ADAMTS17: variants seen among roughly 807,000 people sequenced by gnomAD.
ADAMTS17 encodes ADAM metallopeptidase with thrombospondin type 1 motif 17.
A neutral mutation model predicts 141.5 loss-of-function variants in ADAMTS17; 113 were observed. The ratio of observed to expected loss-of-function variants is 0.80; its 90% CI spans 0.69 to 0.93. The LOEUF (loss-of-function observed/expected upper bound fraction) is 0.93. Among genes scored for constraint, ADAMTS17 ranks in the 40% least tolerant of loss-of-function variants. The probability of loss-of-function intolerance (pLI) is 0.00; values close to 1 mark genes in which losing one functional copy is unlikely to be tolerated. For synonymous variants in ADAMTS17, 768 were observed against 630.6 expected (o/e 1.22, Z -3.27); for missense variants, 1,659 against 1,517.9 (o/e 1.09, Z -1.54).
intron 15 of ADAMTS17, among the ~76,000 whole-genome samples, chr15:100,072,293 G>A (rs1369282620): frequency 6.7e-6 from 1 of 148,442 alleles, no homozygotes; most frequent in Non-Finnish European, 1.5e-5. Flanking sequence ...CATGCTCATG[G>A]GTAGGAAGAA....
At chr15:100,097,199 G>T (rs992008662) in intron 14 of ADAMTS17, among the ~76,000 whole-genome samples, 12 of 152,124 alleles carry the variant, frequency 7.9e-5, no homozygotes, top group African/African-American at 2.9e-4. Context: ...TTTGTATCCT[G>T]CAAAATAACC....
intron 8 of ADAMTS17, among the ~76,000 whole-genome samples, chr15:100,178,823 T>C (rs899144542): frequency 1.3e-4 from 20 of 152,214 alleles, no homozygotes; most frequent in African/African-American, 4.6e-4. Flanking sequence ...TGATATAGGA[T>C]TGAAAATTGA....
At chr15:100,340,963 AC>A in intron 2 of ADAMTS17, 75 bp downstream of exon 2, 7 of 892,548 alleles carry the variant, frequency 7.8e-6, no homozygotes, top group East Asian at 4.8e-5. Context: ...GAGGCGCCCC[AC>A]CCCCACCCTC....
At chr15:100,278,329 A>C (rs1289709057) in intron 4 of ADAMTS17, among the ~76,000 whole-genome samples, 18 of 105,008 alleles carry the variant, frequency 1.7e-4, no homozygotes, top group Non-Finnish European at 1.1e-4. Flanking sequence ...TTCTACCACA[A>C]AAAAAAAAAA....
intron 15 of ADAMTS17, among the ~76,000 whole-genome samples, chr15:100,083,847 G>T (rs2034909643): frequency 6.6e-6 from 1 of 151,524 alleles, no homozygotes; most frequent in Non-Finnish European, 1.5e-5. Flanking sequence ...TGGCTCTAGA[G>T]CAAGGGCAAG....
intron 4 of ADAMTS17, among the ~76,000 whole-genome samples, chr15:100,266,688 G>A (rs964658756): frequency 6.6e-6 from 1 of 152,112 alleles, no homozygotes; most frequent in Non-Finnish European, 1.5e-5. Flanking sequence ...GACCACCACT[G>A]GCTGGTTGCT....
chr15:100,012,945 A>G (rs1168947206), intron 18 of ADAMTS17, among the ~76,000 whole-genome samples: 2 of 152,066 alleles, frequency 1.3e-5, no homozygotes, highest in Admixed American at 6.6e-5. Flanking sequence ...TTTTGATGGG[A>G]ATTGCATTGA....
intron 18 of ADAMTS17, among the ~76,000 whole-genome samples, chr15:100,035,929 C>G (rs899980323): frequency 7.2e-5 from 11 of 152,294 alleles, no homozygotes; most frequent in African/African-American, 2.6e-4. Flanking sequence ...AGTGTACAAG[C>G]TACTGCTCAG....
chr15:99,978,090 T>C (rs1191110965), intron 20 of ADAMTS17, among the ~76,000 whole-genome samples: 1 of 152,206 alleles, frequency 6.6e-6, no homozygotes, highest in Admixed American at 6.5e-5. Context: ...CCGCAGATCC[T>C]GTGCTTCCCG....
intron 15 of ADAMTS17, among the ~76,000 whole-genome samples, chr15:100,069,407 T>A (rs1473297814): frequency 6.6e-6 from 1 of 152,088 alleles, no homozygotes; most frequent in Non-Finnish European, 1.5e-5. Flanking sequence ...ACAAAGATAC[T>A]CCTTGAGAAG....
chr15:100,224,145 C>T (rs1048566486), intron 7 of ADAMTS17, among the ~76,000 whole-genome samples: 16 of 152,202 alleles, frequency 1.1e-4, no homozygotes, highest in African/African-American at 3.6e-4. Context: ...CCAACACCCA[C>T]ACAGACACAC....
intron 9 of ADAMTS17, among the ~76,000 whole-genome samples, chr15:100,153,627 G>C (rs1224607617): frequency 6.6e-6 from 1 of 152,168 alleles, no homozygotes; most frequent in Non-Finnish European, 1.5e-5. Flanking sequence ...CTGGGTGAGA[G>C]AGTGAGACTC....
At chr15:100,212,835 T>C (rs2141727458) in intron 7 of ADAMTS17, among the ~76,000 whole-genome samples, 1 of 124,062 alleles carries the variant, frequency 8.1e-6, no homozygotes, top group East Asian at 2.4e-4. Flanking sequence ...TGACTCTTTA[T>C]TATGCCTGGG....
Position 100,132,076 on chromosome 15 carries a change from G to C in ADAMTS17, c.1652C>G (p.Ala551Gly), listed in dbSNP as rs1567227319. ...ACATGTTCGGCTGCACATGCTCCAG[G>C]CGCCCCACGGGCTCCAGTCTCCGTC... ...HVDGDWSPWGAWSMCSRTCGT... is the reference protein window; with the variant it reads ...HVDGDWSPWGGWSMCSRTCGT... The change falls in exon 12 of 22, where the codon GCC becomes GGC. Residue 551 changes from alanine (A) to glycine (G), a missense_variant. Ala to Gly is a moderately conservative substitution (Grantham distance 60). Coordinates refer to ENST00000268070, the MANE Select transcript of ADAMTS17 (RefSeq NM_139057.4). The C allele has an allele frequency of 6.2e-7, 1 of 1,614,174 alleles. No homozygotes were observed.
chr15:100,183,155 A>C (rs966308814), intron 8 of ADAMTS17, among the ~76,000 whole-genome samples: 2 of 152,014 alleles, frequency 1.3e-5, no homozygotes, highest in Admixed American at 1.3e-4. Context: ...AACCTGACTA[A>C]GTTTTGTATT....
At chr15:99,995,550 C>T (rs1015295556) in intron 19 of ADAMTS17, among the ~76,000 whole-genome samples, 6 of 152,166 alleles carry the variant, frequency 3.9e-5, no homozygotes, top group African/African-American at 1.2e-4. Context: ...ACAGGAGAAA[C>T]GCACTACCTT....
chr15:100,030,103 T>A (rs2727175), intron 18 of ADAMTS17, among the ~76,000 whole-genome samples: 1 of 152,222 alleles, frequency 6.6e-6, no homozygotes, highest in East Asian at 1.9e-4. Context: ...TTGTCCTCCC[T>A]GACAACTCAC....
intron 18 of ADAMTS17, among the ~76,000 whole-genome samples, chr15:100,001,418 T>G (rs1052495375): frequency 1.3e-5 from 2 of 151,900 alleles, no homozygotes; most frequent in African/African-American, 4.8e-5. Flanking sequence ...GCAGTGAAAC[T>G]GCTTTGTATG....
chr15:100,064,584 A>G (rs572593108), intron 15 of ADAMTS17, among the ~76,000 whole-genome samples: 28 of 152,312 alleles, frequency 1.8e-4, no homozygotes, highest in African/African-American at 5.8e-4. Flanking sequence ...ACGAAACTAC[A>G]GTATTGCCTT....
Sources: gnomAD v4.1 joint callset for allele counts (sites outside exome capture counted in the v4.1 genomes callset) on GRCh38, gnomAD v4.1.1 for gene constraint, MANE v1.5 for transcripts, NCBI Gene and HGNC (gene_info 2026-07-23, HGNC 2026-07-21) for gene names.